The following NFIB variants were observed in gnomAD, a reference collection of about 807,000 sequenced individuals.
The protein encoded by NFIB is nuclear factor I B, also known as nuclear factor 1 B-type.
A neutral mutation model predicts 61.5 loss-of-function variants in NFIB; 11 were observed. The ratio of observed to expected loss-of-function variants is 0.18; its 90% CI spans 0.11 to 0.30. The LOEUF is 0.30. Ranked by LOEUF, NFIB falls within the 10% of genes least tolerant of loss-of-function variation. The pLI, the probability that NFIB is intolerant of heterozygous loss-of-function variation, is 1.00. For missense variants in NFIB, 471 were observed against 608.9 expected, an observed-to-expected ratio of 0.77 and a Z score of 2.38; for synonymous variants, 260 against 216.5, an observed-to-expected ratio of 1.20 and a Z score of -1.76.
intron 2 of NFIB, among the ~76,000 whole-genome samples, chr9:14,248,159 C>A (rs1356205395): frequency 1.3e-5 from 2 of 151,724 alleles, no homozygotes; most frequent in Non-Finnish European, 2.9e-5. Flanking sequence ...GTCTTGAACT[C>A]CTGGCCTCAG....
chr9:14,136,041 C>A (rs10961388), intron 6 of NFIB, among the ~76,000 whole-genome samples: 7,890 of 152,146 alleles, frequency 0.052, 549 homozygotes, highest in African/African-American at 0.16. Flanking sequence ...GGTCTCGAGG[C>A]TACACCTACA....
chr9:14,419,835 G>A, the NFIB span, among the ~76,000 whole-genome samples: 4 of 152,126 alleles, frequency 2.6e-5, no homozygotes, highest in Non-Finnish European at 5.9e-5. Flanking sequence ...CATATGAGGC[G>A]AACAATCCAT....
chr9:14,515,998 G>A, the NFIB span, among the ~76,000 whole-genome samples: 28 of 152,340 alleles, frequency 1.8e-4, no homozygotes, highest in African/African-American at 6.3e-4. Flanking sequence ...GAGCGGCTCC[G>A]CTTGCTCATC....
Position 14,313,981 on chromosome 9 carries a change from CG to C in NFIB, c.-471del. 4.0e-5 allele frequency: 1 copy of C among 24,954 alleles called. No homozygotes were observed. The highest frequency in any genetic ancestry group is 9.9e-4 in the African/African-American group (1 of 1,006). The allele number at this position is 24,954 out of a possible 1,614,324, so 1.5% of individuals were successfully genotyped here. On this transcript the variant is annotated 5_prime_UTR_variant, in exon 1 of 11. Transcript: ENST00000380953. This position sits in a 1 kb window ranked among gnomAD's most constrained non-coding sequence, Gnocchi z 4.5. ...GCGCGGGAGGGCGCAGGAGGGCGAG[CG>C]GGCGGGCGGGAGGGAGAGCGGGGAG...
chr9:14,311,955 C>T (rs951292290), intron 1 of NFIB, among the ~76,000 whole-genome samples: 4 of 152,146 alleles, frequency 2.6e-5, no homozygotes, highest in African/African-American at 7.2e-5. Flanking sequence ...CAAGTAAAGG[C>T]AATTCGTTAT....
the NFIB span, among the ~76,000 whole-genome samples, chr9:14,523,805 C>T: frequency 0.99 from 150,599 of 152,242 alleles, 74,510 homozygotes; most frequent in Middle Eastern, 1. Context: ...GTCTGCTGCC[C>T]TACCACTTCA....
the NFIB span, among the ~76,000 whole-genome samples, chr9:14,492,363 A>AAAATAAATAAATAAAT: frequency 4.2e-3 from 615 of 148,086 alleles, 7 homozygotes; most frequent in East Asian, 0.021. Flanking sequence ...ACTTTGCCTC[A>AAAATAAATAAATAAAT]AAATAAATAA....
chr9:14,115,131 T>C (rs2037931194), intron 9 of NFIB, among the ~76,000 whole-genome samples: 1 of 152,082 alleles, frequency 6.6e-6, no homozygotes, highest in Admixed American at 6.6e-5. Context: ...TACAAAGTAT[T>C]GTCCATTTTT....
chr9:14,521,400 C>T, the NFIB span, among the ~76,000 whole-genome samples: 5 of 152,058 alleles, frequency 3.3e-5, no homozygotes, highest in African/African-American at 4.8e-5. Flanking sequence ...ATGGGAAGTG[C>T]CAATAACCTG....
At chr9:14,309,740 A>G (rs1374606749) in intron 1 of NFIB, among the ~76,000 whole-genome samples, 1 of 152,236 alleles carries the variant, frequency 6.6e-6, no homozygotes, top group Non-Finnish European at 1.5e-5. Flanking sequence ...GAATATATGC[A>G]AAAGGAAAGC....
intron 1 of NFIB, among the ~76,000 whole-genome samples, chr9:14,341,934 G>A (rs373413007): frequency 3.7e-4 from 12 of 32,014 alleles, no homozygotes; most frequent in South Asian, 5.8e-3. Flanking sequence ...GTGACTCCTC[G>A]GGAGGAAAAA....
chr9:14,265,361 T>C (rs911174563), intron 2 of NFIB, among the ~76,000 whole-genome samples: 1 of 152,102 alleles, frequency 6.6e-6, no homozygotes, highest in African/African-American at 2.4e-5. Context: ...ACGGAGGTAA[T>C]TAAGATTACG....
At chr9:14,119,160 T>C (rs1158866394) in intron 8 of NFIB, among the ~76,000 whole-genome samples, 1 of 152,158 alleles carries the variant, frequency 6.6e-6, no homozygotes, top group Non-Finnish European at 1.5e-5. Context: ...CAGCTGAGTC[T>C]AGCAAAATGC....
At chr9:14,178,516 T>G (rs1296417323) in intron 3 of NFIB, among the ~76,000 whole-genome samples, 1 of 152,184 alleles carries the variant, frequency 6.6e-6, no homozygotes, top group East Asian at 1.9e-4. Flanking sequence ...TTTAAACCTG[T>G]GTTTAATTAG....
At chr9:14,224,571 T>C (rs974602058) in intron 2 of NFIB, among the ~76,000 whole-genome samples, 2 of 152,224 alleles carry the variant, frequency 1.3e-5, no homozygotes, top group African/African-American at 4.8e-5. Context: ...TGCTGCACAC[T>C]GAGTACTATG....
the NFIB span, among the ~76,000 whole-genome samples, chr9:14,525,914 A>C: frequency 1.4e-4 from 21 of 152,140 alleles, no homozygotes; most frequent in Non-Finnish European, 2.8e-4. Flanking sequence ...AATAGCCACA[A>C]TTTGTATTAG....
intron 1 of NFIB, among the ~76,000 whole-genome samples, chr9:14,382,294 A>C (rs2061497375): frequency 6.6e-6 from 1 of 152,138 alleles, no homozygotes; most frequent in African/African-American, 2.4e-5. Context: ...CACAGCAAGG[A>C]ATGTGCAGCT....
At chr9:14,206,581 A>G (rs1331955800) in intron 2 of NFIB, among the ~76,000 whole-genome samples, 1 of 151,844 alleles carries the variant, frequency 6.6e-6, no homozygotes, top group East Asian at 1.9e-4. Context: ...TACTAAAACA[A>G]CAATCTGCTC....
chr9:14,318,235 G>C (rs188884412), upstream of NFIB, among the ~76,000 whole-genome samples: 18 of 152,262 alleles, frequency 1.2e-4, no homozygotes, highest in East Asian at 3.3e-3. Flanking sequence ...CTAACAGAAA[G>C]TTTATTGATT....
Sources: gnomAD v4.1 joint callset for allele counts (sites outside exome capture counted in the v4.1 genomes callset) on GRCh38, gnomAD v4.1.1 for gene constraint, Gnocchi (gnomAD v3.1) non-coding constraint, MANE v1.5 for transcripts, NCBI Gene and HGNC (gene_info 2026-07-23, HGNC 2026-07-21) for gene names.